SSH2: variants seen among roughly 807,000 people sequenced by gnomAD.
The protein encoded by SSH2 is protein phosphatase Slingshot homolog 2.
Under a neutral mutation model 135.2 loss-of-function variants are expected in SSH2, and 37 were observed. The observed-to-expected ratio is 0.27, with a 90% CI of 0.21 to 0.36. SSH2 has a LOEUF of 0.36. Ranked by LOEUF, SSH2 falls within the 10% of genes least tolerant of loss-of-function variation. SSH2 has a pLI of 1.00. For missense variants in SSH2, 1,408 were observed against 1,765.3 expected (o/e 0.80, Z 3.63); for synonymous variants, 628 against 646.2 (o/e 0.97, Z 0.43).
intron 5 of SSH2, among the ~76,000 whole-genome samples, chr17:29,692,975 T>G (rs557665717): frequency 1.6e-4 from 25 of 152,316 alleles, no homozygotes; most frequent in African/African-American, 4.8e-4. Flanking sequence ...TGATGATGAT[T>G]ATTATTAGAG....
chr17:29,858,852 G>T (rs1196761891), intron 1 of SSH2, among the ~76,000 whole-genome samples: 1 of 151,922 alleles, frequency 6.6e-6, no homozygotes, highest in East Asian at 1.9e-4. Flanking sequence ...AGCCTAGATG[G>T]CAGAGCAAGA....
At chr17:29,643,242 A>G (rs527507819) in intron 14 of SSH2, 2 of 985,294 alleles carry the variant, frequency 2.0e-6, no homozygotes, top group South Asian at 4.7e-5. Context: ...CAGTTAGCCT[A>G]CAAGTACCAA....
intron 3 of SSH2, among the ~76,000 whole-genome samples, chr17:29,728,935 T>C (rs1168457740): frequency 6.6e-6 from 1 of 152,158 alleles, no homozygotes; most frequent in Non-Finnish European, 1.5e-5. Context: ...CCTCAAACTA[T>C]GAAACCACTA....
intron 2 of SSH2, among the ~76,000 whole-genome samples, chr17:29,838,044 T>C (rs143267464): frequency 0.017 from 2,650 of 152,270 alleles, 35 homozygotes; most frequent in Non-Finnish European, 0.028. Context: ...GACCCAGGCA[T>C]CTCTATACTT....
chr17:29,701,967 A>G (rs2039003686), intron 4 of SSH2, among the ~76,000 whole-genome samples: 1 of 150,580 alleles, frequency 6.6e-6, no homozygotes, highest in South Asian at 2.1e-4. Flanking sequence ...GACTCAGGCA[A>G]TCCTCTTGCC....
intron 3 of SSH2, among the ~76,000 whole-genome samples, chr17:29,739,632 T>C (rs928237158): frequency 1.3e-4 from 20 of 152,334 alleles, no homozygotes; most frequent in African/African-American, 4.8e-4. Flanking sequence ...TTAGCCCTAA[T>C]AATAAATGCA....
chr17:29,777,037 C>A (rs1394341011), intron 3 of SSH2, among the ~76,000 whole-genome samples: 1 of 151,854 alleles, frequency 6.6e-6, no homozygotes, highest in African/African-American at 2.4e-5. Context: ...CATGGTGAAA[C>A]CTTGTCTCTA....
At chr17:29,763,113 T>C (rs1013843848) in intron 3 of SSH2, among the ~76,000 whole-genome samples, 11 of 152,244 alleles carry the variant, frequency 7.2e-5, no homozygotes, top group African/African-American at 2.4e-4. Context: ...ATAAGGTCTA[T>C]GCCTAAAACC....
chr17:29,783,555 T>C (rs1366080379), intron 3 of SSH2, among the ~76,000 whole-genome samples: 1 of 151,836 alleles, frequency 6.6e-6, no homozygotes, highest in Non-Finnish European at 1.5e-5. Context: ...TCTGCCTGCT[T>C]TATATTCGCT....
intron 3 of SSH2, among the ~76,000 whole-genome samples, chr17:29,769,133 C>T (rs1054834441): frequency 4.6e-5 from 7 of 152,192 alleles, no homozygotes; most frequent in African/African-American, 1.7e-4. Flanking sequence ...CTATTATTAT[C>T]TCTATGAGGC....
chr17:29,917,821 C>T (rs2066910332), intron 1 of SSH2, among the ~76,000 whole-genome samples: 1 of 152,050 alleles, frequency 6.6e-6, no homozygotes, highest in South Asian at 2.1e-4. Flanking sequence ...CGCCACTGCA[C>T]TCCAGCCTGG....
In SSH2 at chr17:29,662,569, T is replaced by C. The variant is rs185551870; in HGVS notation, c.1032+4298A>G. Among the ~76,000 whole-genome samples the C allele has an allele frequency of 2.6e-5, 4 of 152,310 alleles. No homozygotes were observed. In the East Asian group the frequency reaches 7.7e-4, roughly 29 times the overall value. ...GTGATAAAATAATCCTTTCTATTACTGTCTCACCTATTTACACACCCTCTG... is the reference window on the plus strand; with the variant it reads ...GTGATAAAATAATCCTTTCTATTACCGTCTCACCTATTTACACACCCTCTG... On this transcript the variant is annotated intron_variant, in intron 11 of 15. Coordinates refer to ENST00000540801, the MANE Select transcript of SSH2 (RefSeq NM_001282129.2).
intron 5 of SSH2, among the ~76,000 whole-genome samples, chr17:29,693,375 A>T (rs2038574932): frequency 6.6e-6 from 1 of 151,650 alleles, no homozygotes; most frequent in Non-Finnish European, 1.5e-5. Context: ...GTAATGGCAC[A>T]ATCTCGGCTC....
chr17:29,859,355 C>T (rs2065720520), intron 1 of SSH2, among the ~76,000 whole-genome samples: 1 of 151,960 alleles, frequency 6.6e-6, no homozygotes, highest in South Asian at 2.1e-4. Flanking sequence ...TGAATAAACT[C>T]ATGTCACAGG....
intron 2 of SSH2, among the ~76,000 whole-genome samples, chr17:29,837,229 C>T (rs1004003357): frequency 4.0e-5 from 6 of 150,968 alleles, no homozygotes; most frequent in Non-Finnish European, 7.4e-5. Context: ...TGCACTCCAG[C>T]CTAGGTGACG....
chr17:29,900,530 G>C (rs2066531282), intron 1 of SSH2, among the ~76,000 whole-genome samples: 1 of 152,208 alleles, frequency 6.6e-6, no homozygotes, highest in Non-Finnish European at 1.5e-5. Context: ...ATGAAAAAAT[G>C]CTCATCATCA....
intron 1 of SSH2, among the ~76,000 whole-genome samples, chr17:29,904,734 T>C (rs2066622162): frequency 6.6e-6 from 1 of 152,160 alleles, no homozygotes; most frequent in Non-Finnish European, 1.5e-5. Context: ...GATGACATGA[T>C]CATATGTCTA....
At chr17:29,773,741 G>A (rs981255852) in intron 3 of SSH2, among the ~76,000 whole-genome samples, 2 of 152,258 alleles carry the variant, frequency 1.3e-5, no homozygotes, top group Non-Finnish European at 2.9e-5. Flanking sequence ...GCAATGGCAC[G>A]ATCTCGGCTC....
intron 8 of SSH2, among the ~76,000 whole-genome samples, chr17:29,673,287 T>C (rs528662887): frequency 6.6e-6 from 1 of 151,514 alleles, no homozygotes; most frequent in Admixed American, 6.6e-5. Context: ...AAAGACATTA[T>C]GGCCAGGCAC....
Sources: gnomAD v4.1 joint callset for allele counts (sites outside exome capture counted in the v4.1 genomes callset) on GRCh38, gnomAD v4.1.1 for gene constraint, MANE v1.5 for transcripts, NCBI Gene and HGNC (gene_info 2026-07-23, HGNC 2026-07-21) for gene names.